The following CARMIL1 variants were observed in gnomAD, a reference collection of about 807,000 sequenced individuals.
CARMIL1 encodes capping protein regulator and myosin 1 linker 1.
A neutral mutation model predicts 177.1 loss-of-function variants in CARMIL1; 90 were observed. The ratio of observed to expected loss-of-function variants is 0.51; its 90% confidence interval spans 0.43 to 0.61. The LOEUF is 0.61. CARMIL1 is among the 20% of genes least tolerant of loss of function. The pLI, the probability that CARMIL1 is intolerant of heterozygous loss-of-function variation, is 0.00. For synonymous variants in CARMIL1, 577 were observed against 606.2 expected (o/e 0.95, Z 0.71); for missense variants, 1,380 against 1,667.0 (o/e 0.83, Z 3.00).
At chr6:25,297,173 T>G (rs1434473469) in intron 2 of CARMIL1, among the ~76,000 whole-genome samples, 1 of 152,256 alleles carries the variant, frequency 6.6e-6, no homozygotes, top group Non-Finnish European at 1.5e-5. Flanking sequence ...TGTTGAAGTT[T>G]GGGGAAACAT....
At chr6:25,519,124 T>C (rs542424052) in intron 22 of CARMIL1, among the ~76,000 whole-genome samples, 1 of 152,356 alleles carries the variant, frequency 6.6e-6, no homozygotes, top group South Asian at 2.1e-4. Flanking sequence ...TTATTTATTC[T>C]TTATTAGTAC....
intron 20 of CARMIL1, among the ~76,000 whole-genome samples, chr6:25,511,146 A>G (rs1562233351): frequency 6.6e-6 from 1 of 152,172 alleles, no homozygotes; most frequent in Non-Finnish European, 1.5e-5. Context: ...TCATATTGCT[A>G]ATTTGAATTT....
In CARMIL1 at chr6:25,435,483, A is replaced by G; in HGVS notation, c.250A>G (p.Met84Val). The change falls in exon 5 of 37, where the codon ATG becomes GTG. Residue 84 changes from methionine to valine, a missense_variant and splice_region_variant. By Grantham distance (21) the Met-to-Val change is conservative. Transcript: ENST00000329474. ...HGVVCSKSAQ[M>V]IVETEKCSIS... ...AGAAGTGTCCCACCGGTTCTTGCAGATGATTGTGGAAACTGAGAAGTGCAG... is the reference window on the plus strand; with the variant it reads ...AGAAGTGTCCCACCGGTTCTTGCAGGTGATTGTGGAAACTGAGAAGTGCAG... 6.4e-7 allele frequency: 1 copy of G among 1,550,780 alleles called. No individual in the cohort carries two copies. The highest frequency in any genetic ancestry group is 8.7e-7 in the Non-Finnish European group (1 of 1,146,446).
chr6:25,613,444 G>T (rs1816656825), intron 36 of CARMIL1, among the ~76,000 whole-genome samples: 1 of 152,108 alleles, frequency 6.6e-6, no homozygotes, highest in East Asian at 1.9e-4. Context: ...CAACCATCAG[G>T]AACAATTTAT....
At chr6:25,368,407 A>C (rs1790059443) in intron 2 of CARMIL1, among the ~76,000 whole-genome samples, 1 of 152,192 alleles carries the variant, frequency 6.6e-6, no homozygotes. Context: ...GTTGTGACAG[A>C]ATTATAAAGC....
chr6:25,358,514 G>A (rs1788864781), intron 2 of CARMIL1, among the ~76,000 whole-genome samples: 1 of 152,052 alleles, frequency 6.6e-6, no homozygotes, highest in Admixed American at 6.6e-5. Flanking sequence ...AGATAAAGAA[G>A]AGTCAAAATT....
chr6:25,567,848 T>C (rs1811689911), intron 29 of CARMIL1, among the ~76,000 whole-genome samples: 1 of 152,178 alleles, frequency 6.6e-6, no homozygotes, highest in African/African-American at 2.4e-5. Context: ...TCAATTAAAG[T>C]TGGGATGAGT....
intron 29 of CARMIL1, chr6:25,563,676 C>A (rs1811325624): frequency 2.0e-6 from 2 of 984,786 alleles, no homozygotes; most frequent in African/African-American, 3.5e-5. Context: ...CCATCATATA[C>A]CAGGTATTCT....
intron 1 of CARMIL1, among the ~76,000 whole-genome samples, chr6:25,281,319 C>T (rs1781104479): frequency 6.6e-6 from 1 of 152,044 alleles, no homozygotes; most frequent in Non-Finnish European, 1.5e-5. Context: ...CTGAAGACGC[C>T]TCCAGAGGTC....
chr6:25,532,373 T>G (rs538205031), intron 24 of CARMIL1, among the ~76,000 whole-genome samples: 14 of 152,330 alleles, frequency 9.2e-5, no homozygotes, highest in African/African-American at 3.4e-4. Flanking sequence ...AAGAGCAGTA[T>G]GTGGATGTTT....
intron 17 of CARMIL1, chr6:25,507,570 G>A (rs412384): frequency 0.44 from 66,506 of 152,278 alleles, 14,876 homozygotes; most frequent in Middle Eastern, 0.52. Context: ...TTTTATGTGT[G>A]TATACTACAA....
chr6:25,350,108 C>G (rs1336860789), intron 2 of CARMIL1, among the ~76,000 whole-genome samples: 2 of 152,154 alleles, frequency 1.3e-5, no homozygotes, highest in Admixed American at 6.5e-5. Flanking sequence ...CTTGTCTGGC[C>G]TTTGTCTGCT....
intron 12 of CARMIL1, among the ~76,000 whole-genome samples, chr6:25,486,731 G>T (rs544473957): frequency 6.6e-6 from 1 of 151,960 alleles, no homozygotes; most frequent in Admixed American, 6.6e-5. Context: ...TTGCCCCATT[G>T]ATAATTATTG....
intron 26 of CARMIL1, among the ~76,000 whole-genome samples, chr6:25,544,577 A>G (rs1392265560): frequency 1.3e-5 from 2 of 151,120 alleles, no homozygotes; most frequent in African/African-American, 2.4e-5. Flanking sequence ...CATCACTGCA[A>G]AAACTGAGAT....
chr6:25,483,204 G>A (rs908654961), intron 12 of CARMIL1, among the ~76,000 whole-genome samples: 8 of 152,160 alleles, frequency 5.3e-5, no homozygotes, highest in African/African-American at 1.7e-4. Context: ...ACCTGGCACT[G>A]TGCCTGGACT....
chr6:25,378,365 G>A (rs1245471163), intron 2 of CARMIL1, among the ~76,000 whole-genome samples: 5 of 152,198 alleles, frequency 3.3e-5, no homozygotes, highest in African/African-American at 1.2e-4. Context: ...CACAGCAGGG[G>A]CACCCCTGTG....
intron 12 of CARMIL1, among the ~76,000 whole-genome samples, chr6:25,483,172 C>T (rs57684842): frequency 0.092 from 13,987 of 152,092 alleles, 723 homozygotes; most frequent in South Asian, 0.13. Flanking sequence ...GTGGCCTGTG[C>T]TTCTCTCTAT....
At chr6:25,314,633 A>G (rs1784135513) in intron 2 of CARMIL1, among the ~76,000 whole-genome samples, 1 of 137,404 alleles carries the variant, frequency 7.3e-6, no homozygotes, top group Non-Finnish European at 1.6e-5. Flanking sequence ...CCTTATCAGT[A>G]TGTCACATAT....
chr6:25,528,806 C>A lies in CARMIL1; in HGVS notation c.1980C>A (p.Tyr660Ter). The change falls in exon 24 of 37, where the codon TAC becomes TAA. Residue 660 changes from tyrosine (Y) to a stop codon, truncating the protein, a stop_gained. Transcript: ENST00000329474. LOFTEE classifies it high-confidence loss of function. ...TEDALQKIEN[Y>*]LLRNHETRKY... ...TGCTTTATTTCCAGATAGAAAACTACCTGCTACGAAATCACGAGACTAGAA... is the reference window on the plus strand; with the variant it reads ...TGCTTTATTTCCAGATAGAAAACTAACTGCTACGAAATCACGAGACTAGAA... 6.2e-7 allele frequency: 1 copy of A among 1,603,158 alleles called. No homozygotes were observed. The highest frequency in any genetic ancestry group is 8.5e-7 in the Non-Finnish European group (1 of 1,174,166).
Sources: gnomAD v4.1 joint callset for allele counts (sites outside exome capture counted in the v4.1 genomes callset) on GRCh38, gnomAD v4.1.1 for gene constraint, MANE v1.5 for transcripts, NCBI Gene and HGNC (gene_info 2026-07-23, HGNC 2026-07-21) for gene names.